RAB3IP: variants seen among roughly 807,000 people sequenced by gnomAD.
The protein encoded by RAB3IP is RAB3A interacting protein.
In RAB3IP, 36 loss-of-function variants were observed where a neutral mutation model predicts 59.1. The ratio of observed to expected loss-of-function variants is 0.61; its 90% CI spans 0.47 to 0.80. The LOEUF (loss-of-function observed/expected upper bound fraction) is 0.80, where lower values mean the gene tolerates loss of function less well. RAB3IP is among the 30% of genes least tolerant of loss of function. RAB3IP has a pLI of 0.00. For synonymous variants in RAB3IP, 207 were observed against 191.2 expected (o/e 1.08, Z -0.68); for missense variants, 511 against 536.0 (o/e 0.95, Z 0.46).
intron 1 of RAB3IP, among the ~76,000 whole-genome samples, chr12:69,741,258 A>G (rs74101318): frequency 0.012 from 1,867 of 152,330 alleles, 40 homozygotes; most frequent in African/African-American, 0.042. Flanking sequence ...TGGTTTATCA[A>G]ATTTTACAAG....
chr12:69,752,038 C>CT (rs1369295628), intron 1 of RAB3IP, among the ~76,000 whole-genome samples: 2 of 110,966 alleles, frequency 1.8e-5, no homozygotes, highest in African/African-American at 6.8e-5. Context: ...GGGTCTCGTT[C>CT]TTTCACCCAG....
chr12:69,809,331 C>G (rs907822693), intron 8 of RAB3IP, among the ~76,000 whole-genome samples: 3 of 152,170 alleles, frequency 2.0e-5, no homozygotes, highest in African/African-American at 7.2e-5. Context: ...CTGCCCTTAA[C>G]ATTTTTTCCT....
intron 8 of RAB3IP, among the ~76,000 whole-genome samples, chr12:69,806,491 A>G (rs142101310): frequency 0.016 from 2,007 of 128,778 alleles, 15 homozygotes; most frequent in Non-Finnish European, 0.026. Context: ...TTGCGTCTCT[A>G]TTTCCTTCAG....
chr12:69,748,760 C>G (rs556564799), intron 1 of RAB3IP, among the ~76,000 whole-genome samples: 1 of 152,068 alleles, frequency 6.6e-6, no homozygotes. Flanking sequence ...TTGCTTAATG[C>G]GAAAGATACT....
chr12:69,796,775 A>C, intron 6 of RAB3IP: 2 of 438,490 alleles, frequency 4.6e-6, no homozygotes, highest in Non-Finnish European at 8.1e-6. Flanking sequence ...TTAAATAGCA[A>C]TTTTAATTGC....
chr12:69,807,576 G>A (rs1471053606), intron 8 of RAB3IP, among the ~76,000 whole-genome samples: 30 of 146,344 alleles, frequency 2.0e-4, no homozygotes, highest in African/African-American at 2.8e-4. Context: ...CAGACAGGGC[G>A]GCCGGACAGA....
rs1302030318 is a variant in RAB3IP, at chr12:69,819,083, A to T, written c.*3637A>T. On this transcript the variant is annotated 3_prime_UTR_variant, in exon 11 of 11. Coordinates refer to ENST00000247833, the MANE Select transcript of RAB3IP (RefSeq NM_022456.5). ...GGCAACGTAGACCTTGCCCCCCTTT[A>T]AAAAAATTCAAAAACAAAATAAATG... The T allele has an allele frequency of 1.3e-5, 2 of 152,168 alleles. No individual in the cohort carries two copies. The highest frequency in any genetic ancestry group is 1.9e-4 in the East Asian group (1 of 5,202). The allele number at this position is 152,168 out of a possible 1,614,324, so 9.4% of individuals were successfully genotyped here.
At chr12:69,751,292 G>A (rs1869241645) in intron 1 of RAB3IP, among the ~76,000 whole-genome samples, 1 of 152,118 alleles carries the variant, frequency 6.6e-6, no homozygotes, top group Admixed American at 6.6e-5. Flanking sequence ...GTTTTTGATG[G>A]TGTGCTTGCT....
At chr12:69,751,779 G>A (rs1478225074) in intron 1 of RAB3IP, among the ~76,000 whole-genome samples, 1 of 152,012 alleles carries the variant, frequency 6.6e-6, no homozygotes, top group African/African-American at 2.4e-5. Context: ...ACTCGAAGTA[G>A]TTCTTTTCTG....
intron 4 of RAB3IP, 100 bp downstream of exon 4, chr12:69,784,915 A>G (rs928537537): frequency 1.6e-5 from 10 of 636,088 alleles, no homozygotes; most frequent in Non-Finnish European, 2.2e-5. Context: ...GCTTAGCTTC[A>G]TGTATATTTA....
At chr12:69,752,848 G>A (rs1869566812) in intron 1 of RAB3IP, among the ~76,000 whole-genome samples, 1 of 152,166 alleles carries the variant, frequency 6.6e-6, no homozygotes, top group South Asian at 2.1e-4. Context: ...CTATATTCAA[G>A]TGAAAATGAA....
At chr12:69,790,989 A>AAAAC (rs1394620988) in intron 4 of RAB3IP, among the ~76,000 whole-genome samples, 1 of 152,204 alleles carries the variant, frequency 6.6e-6, no homozygotes, top group East Asian at 1.9e-4. Flanking sequence ...CACTGATATA[A>AAAAC]AAACAGACAT....
At chr12:69,770,083 A>T (rs1278428653) in intron 3 of RAB3IP, among the ~76,000 whole-genome samples, 1 of 152,254 alleles carries the variant, frequency 6.6e-6, no homozygotes, top group Non-Finnish European at 1.5e-5. Context: ...CATCAGTTTA[A>T]GAGAGTCTTC....
intron 3 of RAB3IP, among the ~76,000 whole-genome samples, chr12:69,763,277 T>G (rs1592490880): frequency 1.3e-5 from 2 of 152,226 alleles, no homozygotes; most frequent in East Asian, 3.8e-4. Context: ...ATTGTTGTGG[T>G]GGAGAACGAC....
At chr12:69,740,794 T>G (rs1188989249) in intron 1 of RAB3IP, among the ~76,000 whole-genome samples, 1 of 152,254 alleles carries the variant, frequency 6.6e-6, no homozygotes, top group Non-Finnish European at 1.5e-5. Flanking sequence ...TTAGAAATGT[T>G]TCACCCCCTC....
At chr12:69,748,876 T>C (rs1316407441) in intron 1 of RAB3IP, among the ~76,000 whole-genome samples, 4 of 152,236 alleles carry the variant, frequency 2.6e-5, no homozygotes, top group Non-Finnish European at 5.9e-5. Flanking sequence ...ACCAGTGAGA[T>C]TGGCAGCTCA....
At position 69,820,717 on chromosome 12, in the gene RAB3IP, G is replaced by T. The variant is rs11177881; in HGVS notation, c.*5271G>T. 51,073 of 151,828 alleles carry T rather than the reference G, an allele frequency of 0.34. 8,859 individuals carry two copies. The highest frequency in any genetic ancestry group is 0.37 in the Non-Finnish European group (25,282 of 68,004). 9.4% of individuals were successfully genotyped at this position (151,828 alleles called of 1,614,324 possible). A position where few individuals can be genotyped will look rare whatever the true frequency, so the allele number is the denominator to read the frequency against. ...CTACTAAAAACACAAAATTAGTCAG[G>T]TGTGATGGCGCATGCCTGTAATCCC... On this transcript the variant is annotated 3_prime_UTR_variant, in exon 11 of 11. Coordinates refer to ENST00000247833, the MANE Select transcript of RAB3IP (RefSeq NM_022456.5).
At chr12:69,768,762 A>T (rs1259467956) in intron 3 of RAB3IP, among the ~76,000 whole-genome samples, 1 of 151,812 alleles carries the variant, frequency 6.6e-6, no homozygotes, top group East Asian at 1.9e-4. Context: ...AGTGTCTACT[A>T]CTCCAGTACT....
At chr12:69,744,231 C>T (rs1052127015) in intron 1 of RAB3IP, among the ~76,000 whole-genome samples, 32 of 151,682 alleles carry the variant, frequency 2.1e-4, no homozygotes, top group Admixed American at 1.2e-3. Flanking sequence ...TGAGAACATG[C>T]GGTGTTCTGT....
Sources: allele counts gnomAD v4.1 joint callset (sites outside exome capture counted in the v4.1 genomes callset), GRCh38; gene constraint gnomAD v4.1.1; transcripts MANE v1.5; gene names NCBI Gene and HGNC (gene_info 2026-07-23, HGNC 2026-07-21).